KCNG2: variants seen among roughly 807,000 people sequenced by gnomAD.
KCNG2 encodes the protein voltage-gated potassium channel regulatory subunit KCNG2.
In KCNG2, 7 loss-of-function variants were observed where a neutral mutation model predicts 12.3. The ratio of observed to expected loss-of-function variants is 0.57; its 90% CI spans 0.32 to 1.07. KCNG2 has a LOEUF of 1.07. KCNG2 is among the 50% of genes least tolerant of loss of function. The pLI, the probability that KCNG2 is intolerant of heterozygous loss-of-function variation, is 0.04. For missense variants in KCNG2, 703 were observed against 726.0 expected (o/e 0.97, Z 0.36); for synonymous variants, 414 against 351.4 (o/e 1.18, Z -1.99).
At chr18:79,870,878 G>A (rs1260055246) in intron 3 of KCNG2, among the ~76,000 whole-genome samples, 1 of 152,194 alleles carries the variant, frequency 6.6e-6, no homozygotes, top group African/African-American at 2.4e-5. Context: ...TTTTGTGGAT[G>A]CCGAGTTGTG....
At position 79,899,695 on chromosome 18, in the gene KCNG2, C is replaced by T. The variant is rs1271785362; in HGVS notation, c.1280C>T (p.Pro427Leu). 5.6e-6 allele frequency: 9 copies of T among 1,607,222 alleles called. No homozygotes were observed. The highest frequency in any genetic ancestry group is 1.7e-5 in the Admixed American group (1 of 59,576). ...CAGCAGCGCGCGGCCAGCCCCGAGC[C>T]GGCCCTGCAGGAGGACAGCACGCAC... The part of the protein sequence containing the change: ...EQQQRAASPE[P>L]ALQEDSTHSA... Residue 427 changes from proline (P) to leucine (L), a missense_variant, in exon 4 of 4, where the codon CCG becomes CTG. Pro to Leu is a moderately conservative substitution (Grantham distance 98). Coordinates refer to ENST00000316249, the MANE Select transcript of KCNG2 (RefSeq NM_012283.2).
chr18:79,857,131 T>C, intron 2 of KCNG2, among the ~76,000 whole-genome samples: 1 of 7,970 alleles, frequency 1.3e-4, no homozygotes, highest in South Asian at 4.8e-3. Flanking sequence ...GTTCCTCAGA[T>C]CTATGCTTCA....
rs536471596 is a variant in KCNG2 at position 79,817,872 on chromosome 18, C to T, written c.-115+19858C>T. ...CCCTCTCTCATTCCTGGTTTGAGCC[C>T]GTGGAAGCCCAGGTCTCGGGGTGGG... On this transcript the variant is annotated intron_variant, in intron 1 of 3. Coordinates refer to ENST00000316249, the MANE Select transcript of KCNG2 (RefSeq NM_012283.2). 4.6e-5 allele frequency among the ~76,000 whole-genome samples: 7 copies of T among 152,344 alleles called. No individual in the cohort carries two copies. In the South Asian group the frequency reaches 1.0e-3, roughly 23 times the overall value.
chr18:79,877,757 G>T (rs1568267691), intron 3 of KCNG2, among the ~76,000 whole-genome samples: 1 of 152,228 alleles, frequency 6.6e-6, no homozygotes, highest in Non-Finnish European at 1.5e-5. Flanking sequence ...ATGTGGCTCG[G>T]TCCTTCTGTT....
At position 79,807,354 on chromosome 18, in the gene KCNG2, G is replaced by A. The variant is rs563617247; in HGVS notation, c.-115+9340G>A. ...CCTCCTCACCTTGCCGACGCTCTCT[G>A]CATCTGCCCCAGGACATAGATGATG... On this transcript the variant is annotated intron_variant, in intron 1 of 3. Transcript: ENST00000316249. 5.9e-5 allele frequency among the ~76,000 whole-genome samples: 9 copies of A among 152,322 alleles called. No individual in the cohort carries two copies. The South Asian group carries it at 1.2e-3, about 21-fold the overall frequency.
At chr18:79,821,161 T>C (rs1053816672) in intron 1 of KCNG2, among the ~76,000 whole-genome samples, 1 of 152,242 alleles carries the variant, frequency 6.6e-6, no homozygotes, top group South Asian at 2.1e-4. Context: ...TTGTTGCCTG[T>C]GCTTTTGATG....
intron 3 of KCNG2, among the ~76,000 whole-genome samples, chr18:79,888,120 C>T (rs960054474): frequency 8.5e-5 from 13 of 152,126 alleles, no homozygotes; most frequent in African/African-American, 2.7e-4. Flanking sequence ...ACCTAGGCCT[C>T]GAGGGTGGAG....
intron 1 of KCNG2, among the ~76,000 whole-genome samples, chr18:79,846,115 G>A (rs1340498539): frequency 1.3e-5 from 2 of 151,678 alleles, no homozygotes; most frequent in African/African-American, 4.9e-5. Flanking sequence ...GCTCACGCCT[G>A]TAATCCCAGC....
chr18:79,809,395 T>C (rs1301128676), intron 1 of KCNG2, among the ~76,000 whole-genome samples: 2 of 147,208 alleles, frequency 1.4e-5, no homozygotes. Context: ...TCTGAGGAGC[T>C]GCCGGGGACA....
intron 3 of KCNG2, among the ~76,000 whole-genome samples, chr18:79,865,269 G>GA: frequency 6.9e-6 from 1 of 144,164 alleles, no homozygotes; most frequent in East Asian, 2.2e-4. Flanking sequence ...TGGGTGCTGA[G>GA]GTCTGTGTGC....
At chr18:79,844,504 A>G (rs1259854817) in intron 1 of KCNG2, among the ~76,000 whole-genome samples, 3 of 152,246 alleles carry the variant, frequency 2.0e-5, no homozygotes. Context: ...TAATAATACT[A>G]TAGTGCATAC....
chr18:79,868,780 C>G (rs1979712118), intron 3 of KCNG2, among the ~76,000 whole-genome samples: 1 of 152,174 alleles, frequency 6.6e-6, no homozygotes, highest in African/African-American at 2.4e-5. Context: ...AAGTCCCAGC[C>G]CAGCTCAAGC....
intron 1 of KCNG2, among the ~76,000 whole-genome samples, chr18:79,830,675 G>C (rs1474432880): frequency 7.3e-6 from 1 of 136,688 alleles, no homozygotes; most frequent in Non-Finnish European, 1.7e-5. Context: ...CAGAGCCTTT[G>C]TCAGGAGGGT....
chr18:79,847,029 GA>G (rs1978651277), intron 1 of KCNG2, among the ~76,000 whole-genome samples: 1 of 152,246 alleles, frequency 6.6e-6, no homozygotes, highest in African/African-American at 2.4e-5. Context: ...CCAAATTTGT[GA>G]AGATGCCAGA....
chr18:79,867,348 G>A (rs1395298245), intron 3 of KCNG2, among the ~76,000 whole-genome samples: 1 of 151,928 alleles, frequency 6.6e-6, no homozygotes, highest in African/African-American at 2.4e-5. Context: ...CCATGAGGAG[G>A]CAAGAGAAGG....
chr18:79,888,428 G>A (rs932206244), intron 3 of KCNG2, among the ~76,000 whole-genome samples: 4 of 137,854 alleles, frequency 2.9e-5, no homozygotes, highest in African/African-American at 7.8e-5. Context: ...ATGAGGCCGC[G>A]GTGGGGCCGG....
intron 3 of KCNG2, among the ~76,000 whole-genome samples, chr18:79,871,127 C>G (rs566311828): frequency 4.5e-4 from 68 of 152,272 alleles, no homozygotes; most frequent in African/African-American, 1.6e-3. Flanking sequence ...GTCCCTTGCA[C>G]TGGGGAGGGT....
intron 1 of KCNG2, among the ~76,000 whole-genome samples, chr18:79,811,353 T>C (rs923201022): frequency 6.6e-6 from 1 of 152,192 alleles, no homozygotes. Flanking sequence ...CAAAATAGTG[T>C]GGTATTGGCA....
chr18:79,882,944 A>T (rs894479498), intron 3 of KCNG2, among the ~76,000 whole-genome samples: 4 of 152,224 alleles, frequency 2.6e-5, no homozygotes, highest in African/African-American at 7.2e-5. Flanking sequence ...CTCATCGCAC[A>T]CCAGCGCCCA....
Sources: gnomAD v4.1 joint callset for allele counts (sites outside exome capture counted in the v4.1 genomes callset) on GRCh38, gnomAD v4.1.1 for gene constraint, MANE v1.5 for transcripts, NCBI Gene and HGNC (gene_info 2026-07-23, HGNC 2026-07-21) for gene names.